The following ELMOD2 variants were observed in gnomAD, a reference collection of about 807,000 sequenced individuals.
ELMOD2 encodes ELMO domain-containing protein 2.
Under a neutral mutation model 41.0 loss-of-function variants are expected in ELMOD2, and 28 were observed. That is an observed-to-expected ratio of 0.68 (90% CI 0.51 to 0.94). The LOEUF (loss-of-function observed/expected upper bound fraction) is 0.94. Ranked by LOEUF, ELMOD2 falls within the 40% of genes least tolerant of loss-of-function variation. The pLI, the probability that ELMOD2 is intolerant of heterozygous loss-of-function variation, is 0.00. For synonymous variants in ELMOD2, 106 were observed against 107.2 expected (o/e 0.99, Z 0.07); for missense variants, 333 against 343.1 (o/e 0.97, Z 0.23).
In ELMOD2 at chr4:140,525,317, TGATA is replaced by T. The variant is rs918661901; in HGVS notation, c.-9-98_-9-95del. 5 of 1,234,364 alleles carry T rather than the reference TGATA, an allele frequency of 4.1e-6. No individual in the cohort carries two copies. The African/African-American group carries it at 4.6e-5, about 11-fold the overall frequency. 76.5% of individuals were successfully genotyped at this position (1,234,364 alleles called of 1,614,324 possible). ...AACTGTCAAAACAGACACAATGAAA[TGATA>T]GATACATAATTTGAGATTTGATCAG... On this transcript the variant is annotated intron_variant, in intron 1 of 8. Coordinates refer to ENST00000323570, the MANE Select transcript of ELMOD2 (RefSeq NM_153702.4).
Position 140,550,362 on chromosome 4 carries a change from C to A in ELMOD2, c.869C>A (p.Thr290Asn), listed in dbSNP as rs779141259. 37 of 1,601,846 alleles carry A rather than the reference C, an allele frequency of 2.3e-5. No individual in the cohort carries two copies. Among genetic ancestry groups the A allele is most frequent in the Non-Finnish European group, 3.0e-5 (35 of 1,175,872 alleles). The stretch of plus-strand genomic sequence containing the variant: ...TTACTGGATTGTAATGTAGCACTTA[C>A]TTTAAAAGTATAAATCATCCACTGT... ...GLLLDCNVALTLKV is the reference protein window; with the variant it reads ...GLLLDCNVALNLKV Residue 290 changes from threonine (T) to asparagine (N), a missense_variant, in exon 9 of 9, where the codon ACT becomes AAT. Coordinates refer to ENST00000323570, the MANE Select transcript of ELMOD2 (RefSeq NM_153702.4).
intron 3 of ELMOD2, among the ~76,000 whole-genome samples, chr4:140,528,335 A>G (rs980177983): frequency 6.6e-6 from 1 of 152,148 alleles, no homozygotes; most frequent in Admixed American, 6.5e-5. Flanking sequence ...GTAGTTCACA[A>G]TTTTGTCTAC....
chr4:140,528,409 A>G (rs1459186031), intron 3 of ELMOD2, among the ~76,000 whole-genome samples: 7 of 152,238 alleles, frequency 4.6e-5, no homozygotes, highest in African/African-American at 9.6e-5. Context: ...TTGAAATCCC[A>G]TAATAGAACA....
In ELMOD2 at chr4:140,535,837, G is replaced by A. The variant is rs762660616; in HGVS notation, c.269+7G>A. On this transcript the variant is annotated splice_region_variant and intron_variant, in intron 4 of 8. Transcript: ENST00000323570. The stretch of plus-strand genomic sequence containing the variant: ...ACCCTGAGAAGGATGCCAGGTGTGC[G>A]TTTTTTACATTATTCTTTTTTATTA... 4.1e-5 allele frequency: 66 copies of A among 1,591,796 alleles called. No homozygotes were observed. Among genetic ancestry groups the A allele is most frequent in the African/African-American group, 8.2e-5 (6 of 73,260 alleles).
rs1401964050 is a variant in ELMOD2, at chr4:140,553,265, A to C, written c.*2890A>C. The stretch of plus-strand genomic sequence containing the variant: ...AGGTTACACATGATCATGGCACAGA[A>C]GATAGGAGGTTTGACTTGGTGGGCC... On this transcript the variant is annotated 3_prime_UTR_variant, in exon 9 of 9. Transcript: ENST00000323570. The C allele has an allele frequency of 6.6e-6, 1 of 152,128 alleles. No individual in the cohort carries two copies. Among genetic ancestry groups the C allele is most frequent in the Non-Finnish European group, 1.5e-5 (1 of 67,986 alleles). The allele number at this position is 152,128 out of a possible 1,614,324, so 9.4% of individuals were successfully genotyped here.
chr4:140,533,037 T>C (rs1734800647), intron 3 of ELMOD2, among the ~76,000 whole-genome samples: 1 of 152,196 alleles, frequency 6.6e-6, no homozygotes, highest in South Asian at 2.1e-4. Context: ...TAATGAAAGA[T>C]GCATAAGACT....
chr4:140,534,333 T>C (rs1260383175), intron 3 of ELMOD2, among the ~76,000 whole-genome samples: 1 of 152,116 alleles, frequency 6.6e-6, no homozygotes, highest in African/African-American at 2.4e-5. Context: ...TTGATTCCAT[T>C]TATGGGCATA....
chr4:140,528,338 T>G (rs748988696), intron 3 of ELMOD2, among the ~76,000 whole-genome samples: 6 of 152,180 alleles, frequency 3.9e-5, no homozygotes, highest in Admixed American at 2.6e-4. Flanking sequence ...GTTCACAATT[T>G]TGTCTACATG....
At chr4:140,542,849 G>T (rs1306308040) in intron 7 of ELMOD2, among the ~76,000 whole-genome samples, 1 of 151,808 alleles carries the variant, frequency 6.6e-6, no homozygotes, top group Non-Finnish European at 1.5e-5. Flanking sequence ...TTTATCACAA[G>T]ATATAGTTTA....
intron 8 of ELMOD2, among the ~76,000 whole-genome samples, chr4:140,549,840 C>T (rs967485790): frequency 2.0e-5 from 3 of 151,786 alleles, no homozygotes; most frequent in Admixed American, 1.3e-4. Flanking sequence ...CGCATGCCAC[C>T]ATGCCTGGCT....
chr4:140,541,505 A>G (rs1735103899), intron 6 of ELMOD2, among the ~76,000 whole-genome samples: 1 of 152,176 alleles, frequency 6.6e-6, no homozygotes, highest in Admixed American at 6.5e-5. Flanking sequence ...ATAAATAGTC[A>G]ACTGAGGGCA....
intron 8 of ELMOD2, among the ~76,000 whole-genome samples, chr4:140,549,192 G>A (rs1299520133): frequency 2.0e-5 from 3 of 152,108 alleles, no homozygotes; most frequent in Non-Finnish European, 4.4e-5. Context: ...AATTTGTTGT[G>A]TGTATTAATA....
intron 8 of ELMOD2, among the ~76,000 whole-genome samples, chr4:140,545,448 A>G (rs950835128): frequency 2.0e-5 from 3 of 152,192 alleles, no homozygotes; most frequent in Non-Finnish European, 4.4e-5. Context: ...CAAAATGTAT[A>G]TCTTCAGCCC....
chr4:140,541,294 C>T (rs1365301913), intron 6 of ELMOD2, among the ~76,000 whole-genome samples: 1 of 151,832 alleles, frequency 6.6e-6, no homozygotes, highest in Admixed American at 6.6e-5. Context: ...GTGAAAAAAT[C>T]CTGATATTGG....
chr4:140,540,440 T>A (rs1735069893), intron 6 of ELMOD2, 139 bp downstream of exon 6: 1 of 1,168,754 alleles, frequency 8.6e-7, no homozygotes. Context: ...AAGTATTTGC[T>A]AATGTGTTGG....
intron 2 of ELMOD2, 25 bp from the exon 3 acceptor site, chr4:140,527,441 C>CTTT (rs372089965): frequency 4.5e-5 from 59 of 1,309,950 alleles, no homozygotes; most frequent in South Asian, 1.4e-4. Flanking sequence ...GTGATAACAT[C>CTTT]TTTTTTTTTT....
intron 8 of ELMOD2, among the ~76,000 whole-genome samples, chr4:140,546,447 A>T (rs1211203161): frequency 6.6e-6 from 1 of 151,856 alleles, no homozygotes; most frequent in Non-Finnish European, 1.5e-5. Flanking sequence ...TAACAAACCT[A>T]CACGTTGTGC....
chr4:140,550,116 T>G, intron 8 of ELMOD2, 114 bp from the exon 9 acceptor site: 1 of 881,880 alleles, frequency 1.1e-6, no homozygotes, highest in Non-Finnish European at 1.7e-6. Context: ...TTACTTTTGA[T>G]TATTGTATTC....
chr4:140,525,397 T>C lies in ELMOD2; in HGVS notation c.-9-23T>C, dbSNP rs1439236078. ...ATTCAGTTTAAGGTCATTAAGCTTG[T>C]CTTGTATGTTTCCCTCCTCCAGGAA... is the stretch of plus-strand genomic sequence containing the variant. On this transcript the variant is annotated intron_variant, in intron 1 of 8. Transcript: ENST00000323570. The C allele has an allele frequency of 3.7e-6, 6 of 1,608,148 alleles. No individual in the cohort carries two copies. In the African/African-American group the frequency reaches 5.4e-5, roughly 14 times the overall value.
Sources: gnomAD v4.1 joint callset for allele counts (sites outside exome capture counted in the v4.1 genomes callset) on GRCh38, gnomAD v4.1.1 for gene constraint, MANE v1.5 for transcripts, NCBI Gene and HGNC (gene_info 2026-07-23, HGNC 2026-07-21) for gene names.